The following MEF2C variants were observed in gnomAD, a reference collection of about 807,000 sequenced individuals.
The protein encoded by MEF2C is myocyte-specific enhancer factor 2C.
In MEF2C, 6 loss-of-function variants were observed where a neutral mutation model predicts 50.5. The observed-to-expected ratio is 0.12, with a 90% CI of 0.07 to 0.23. The LOEUF (loss-of-function observed/expected upper bound fraction) is 0.23, where lower values mean the gene tolerates loss of function less well. MEF2C is among the 10% of genes least tolerant of loss of function. The probability of loss-of-function intolerance (pLI) is 1.00; values close to 1 mark genes in which losing one functional copy is unlikely to be tolerated. For missense variants in MEF2C, 276 were observed against 605.0 expected (o/e 0.46, Z 5.70); for synonymous variants, 183 against 228.0 (o/e 0.80, Z 1.78).
At chr5:88,832,204 T>C (rs1813332870) in intron 1 of MEF2C, among the ~76,000 whole-genome samples, 1 of 152,118 alleles carries the variant, frequency 6.6e-6, no homozygotes, top group Non-Finnish European at 1.5e-5. Flanking sequence ...CATCCTGAAA[T>C]GGACCCACAT....
In MEF2C at chr5:88,823,878, T is replaced by C; in HGVS notation, c.-90A>G. Reference sequence around the variant, plus strand: ...CTTTCCTGTTTCCTCCAAACAAATCTCCTTCTTCAGCACTTGCACAGCTCA... The same window carrying C: ...CTTTCCTGTTTCCTCCAAACAAATCCCCTTCTTCAGCACTTGCACAGCTCA... On this transcript the variant is annotated 5_prime_UTR_variant, in exon 2 of 11. Coordinates refer to ENST00000504921, the MANE Select transcript of MEF2C (RefSeq NM_002397.5). 6.3e-7 allele frequency: 1 copy of C among 1,586,356 alleles called. No homozygotes were observed. The highest frequency in any genetic ancestry group is 1.2e-5 in the South Asian group (1 of 85,676).
At chr5:88,794,588 G>A (rs1795224366) in intron 3 of MEF2C, among the ~76,000 whole-genome samples, 1 of 151,960 alleles carries the variant, frequency 6.6e-6, no homozygotes, top group African/African-American at 2.4e-5. Flanking sequence ...CCATTCTTTG[G>A]GTTGCCTGTT....
chr5:88,812,202 C>A (rs1803150725), intron 2 of MEF2C, among the ~76,000 whole-genome samples: 1 of 152,044 alleles, frequency 6.6e-6, no homozygotes, highest in Non-Finnish European at 1.5e-5. Flanking sequence ...CAGCTATATC[C>A]TAGTTTTTCT....
chr5:88,759,341 G>T (rs1776820346), intron 4 of MEF2C, among the ~76,000 whole-genome samples: 1 of 152,170 alleles, frequency 6.6e-6, no homozygotes, highest in Admixed American at 6.5e-5. Flanking sequence ...AATTAGCCGG[G>T]AGTGGTGGCA....
intron 3 of MEF2C, among the ~76,000 whole-genome samples, chr5:88,791,781 G>A (rs1793870469): frequency 6.6e-6 from 1 of 151,592 alleles, no homozygotes; most frequent in South Asian, 2.1e-4. Context: ...ATTATTTACA[G>A]GTACTAATAA....
chr5:88,841,098 CTTCAT>C (rs1817179955), intron 1 of MEF2C, among the ~76,000 whole-genome samples: 1 of 152,190 alleles, frequency 6.6e-6, no homozygotes, highest in African/African-American at 2.4e-5. Context: ...CAGCGTCATC[CTTCAT>C]TTAAGAAATG....
chr5:88,797,567 T>C (rs532923037), intron 3 of MEF2C, among the ~76,000 whole-genome samples: 8 of 144,574 alleles, frequency 5.5e-5, no homozygotes, highest in African/African-American at 2.0e-4. Context: ...GTCTCCTGAA[T>C]ACAGCACACA....
At chr5:88,847,046 T>A (rs770742317) in intron 1 of MEF2C, among the ~76,000 whole-genome samples, 13 of 152,216 alleles carry the variant, frequency 8.5e-5, no homozygotes, top group Non-Finnish European at 1.8e-4. Context: ...ATCAAAAATG[T>A]CACTGGAACA....
chr5:88,743,465 T>C, intron 6 of MEF2C: 1 of 985,422 alleles, frequency 1.0e-6, no homozygotes, highest in Non-Finnish European at 1.2e-6. Flanking sequence ...GTCTGACCTT[T>C]CCTCTTTCCA....
intron 6 of MEF2C, chr5:88,743,713 A>G (rs1457452592): frequency 1.0e-6 from 1 of 985,356 alleles, no homozygotes. Flanking sequence ...TCTCTTATTC[A>G]CTGCTCAATA....
intron 1 of MEF2C, among the ~76,000 whole-genome samples, chr5:88,827,766 A>G (rs765718899): frequency 6.6e-6 from 1 of 151,904 alleles, no homozygotes; most frequent in African/African-American, 2.4e-5. Flanking sequence ...ATTGGAATTT[A>G]CCCTTTGAGG....
chr5:88,758,871 T>TAAGA (rs1440343085), intron 4 of MEF2C, among the ~76,000 whole-genome samples: 6 of 152,168 alleles, frequency 3.9e-5, no homozygotes, highest in Non-Finnish European at 7.3e-5. Context: ...TCTTGAACTC[T>TAAGA]TTACGTAACA....
intron 5 of MEF2C, chr5:88,750,187 T>A: frequency 1.6e-6 from 1 of 618,860 alleles, no homozygotes; most frequent in Middle Eastern, 8.3e-4. Flanking sequence ...TTTGTTTATA[T>A]ATATACATAT....
intron 6 of MEF2C, among the ~76,000 whole-genome samples, chr5:88,744,659 A>T (rs11749623): frequency 0.019 from 2,836 of 152,352 alleles, 50 homozygotes; most frequent in Non-Finnish European, 0.025. Context: ...AATAACCATC[A>T]ACTGAAACCT....
chr5:88,807,856 C>T (rs887504326), intron 2 of MEF2C, among the ~76,000 whole-genome samples: 2 of 152,168 alleles, frequency 1.3e-5, no homozygotes, highest in Non-Finnish European at 2.9e-5. Context: ...TAGATATTTA[C>T]TAGCCCATAT....
intron 4 of MEF2C, among the ~76,000 whole-genome samples, chr5:88,758,073 C>CA (rs1776188027): frequency 6.6e-6 from 1 of 152,098 alleles, no homozygotes; most frequent in African/African-American, 2.4e-5. Context: ...GAGGCTTTGC[C>CA]ATTCTATCTC....
At chr5:88,834,447 C>A (rs187492032) in intron 1 of MEF2C, among the ~76,000 whole-genome samples, 2 of 152,232 alleles carry the variant, frequency 1.3e-5, no homozygotes, top group East Asian at 3.9e-4. Flanking sequence ...CATGATGCTA[C>A]GTGCCATGGA....
intron 1 of MEF2C, chr5:88,838,658 T>C (rs1816111003): frequency 1.0e-6 from 1 of 985,182 alleles, no homozygotes; most frequent in Non-Finnish European, 1.2e-6. Context: ...TGAGTAGGTT[T>C]CTAAAACACA....
In MEF2C at chr5:88,882,993, T is replaced by C. The variant is rs970363759; in HGVS notation, c.-181A>G. Reference sequence around the variant, plus strand: ...CGATCAGATTAGTCCTTGGGATATTTTCCTTTCTTAAGAGAGAGAGAGAGA... The same window carrying C: ...CGATCAGATTAGTCCTTGGGATATTCTCCTTTCTTAAGAGAGAGAGAGAGA... On this transcript the variant is annotated 5_prime_UTR_variant, in exon 1 of 11. Transcript: ENST00000504921. The C allele has an allele frequency of 6.6e-6, 1 of 152,172 alleles. No homozygotes were observed. Among genetic ancestry groups the C allele is most frequent in the Non-Finnish European group, 1.5e-5 (1 of 67,988 alleles). The allele number at this position is 152,172 out of a possible 1,614,324, so 9.4% of individuals were successfully genotyped here.
Sources: allele counts gnomAD v4.1 joint callset (sites outside exome capture counted in the v4.1 genomes callset), GRCh38; gene constraint gnomAD v4.1.1; transcripts MANE v1.5; gene names NCBI Gene and HGNC (gene_info 2026-07-23, HGNC 2026-07-21).